TTC7B: variants seen among roughly 807,000 people sequenced by gnomAD.
TTC7B encodes the protein tetratricopeptide repeat domain 7B, also known as tetratricopeptide repeat protein 7B.
TTC7B carries 28 observed loss-of-function variants against 106.8 expected under a neutral mutation model. The observed-to-expected ratio is 0.26, with a 90% CI of 0.19 to 0.36. TTC7B has a LOEUF of 0.36. Among genes scored for constraint, TTC7B ranks in the 10% least tolerant of loss-of-function variants. The probability of loss-of-function intolerance (pLI) is 1.00; values close to 1 mark genes in which losing one functional copy is unlikely to be tolerated. For missense variants in TTC7B, 862 were observed against 1,076.4 expected (o/e 0.80, Z 2.79); for synonymous variants, 405 against 430.6 (o/e 0.94, Z 0.74).
intron 3 of TTC7B, among the ~76,000 whole-genome samples, chr14:90,753,286 G>T (rs566491536): frequency 4.5e-4 from 69 of 152,206 alleles, no homozygotes; most frequent in Non-Finnish European, 7.9e-4. Context: ...ACCCACAGGG[G>T]TGTTTATAAC....
At chr14:90,755,642 G>A (rs1890265128) in intron 3 of TTC7B, among the ~76,000 whole-genome samples, 1 of 149,604 alleles carries the variant, frequency 6.7e-6, no homozygotes. Flanking sequence ...CTGGGCAAAA[G>A]GGCAAGACCC....
chr14:90,794,005 C>A (rs185231363), intron 1 of TTC7B, among the ~76,000 whole-genome samples: 90 of 152,094 alleles, frequency 5.9e-4, no homozygotes, highest in African/African-American at 2.1e-3. Context: ...CAGGTTCAAG[C>A]AAGTCTCATG....
chr14:90,679,486 T>TG (rs1008722955), intron 8 of TTC7B, among the ~76,000 whole-genome samples: 2 of 152,162 alleles, frequency 1.3e-5, no homozygotes, highest in Non-Finnish European at 2.9e-5. Context: ...TTCTCTCCCC[T>TG]GGGCTGCCCC....
In TTC7B at chr14:90,608,546, T is replaced by C. The variant is rs1013350926; in HGVS notation, c.1966+2196A>G. ...CCTGACTCCAAACACCTAGGCTCTC[T>C]GGAAGTGAATGGTGGCCCACCCGAG... is the stretch of plus-strand genomic sequence containing the variant. On this transcript the variant is annotated intron_variant, in intron 17 of 19. Transcript: ENST00000328459. This position sits in a 1 kb window ranked among gnomAD's most constrained non-coding sequence, Gnocchi z 5.1. Among the ~76,000 whole-genome samples, 2 of 152,096 alleles carry C rather than the reference T, an allele frequency of 1.3e-5. No homozygotes were observed. Among genetic ancestry groups the C allele is most frequent in the Non-Finnish European group, 2.9e-5 (2 of 68,026 alleles).
chr14:90,677,702 T>A, intron 8 of TTC7B: 1 of 367,708 alleles, frequency 2.7e-6, no homozygotes, highest in Non-Finnish European at 5.3e-6. Flanking sequence ...GACGTTGATC[T>A]TCCCCCTGAC....
intron 19 of TTC7B, among the ~76,000 whole-genome samples, chr14:90,545,787 G>A (rs969821782): frequency 6.6e-6 from 1 of 152,220 alleles, no homozygotes; most frequent in Admixed American, 6.5e-5. Flanking sequence ...AAGTCCTGCA[G>A]AGAACCAACC....
At chr14:90,771,487 G>C (rs1406872233) in intron 3 of TTC7B, among the ~76,000 whole-genome samples, 2 of 152,082 alleles carry the variant, frequency 1.3e-5, no homozygotes, top group East Asian at 3.8e-4. Context: ...TCAGCTACTT[G>C]TGGGGGCTGA....
intron 14 of TTC7B, among the ~76,000 whole-genome samples, chr14:90,646,256 G>A (rs116604397): frequency 0.015 from 2,212 of 152,318 alleles, 50 homozygotes; most frequent in African/African-American, 0.051. Context: ...AATGTGCTGG[G>A]GTTACCACCA....
chr14:90,798,709 CAAAAAA>C lies in TTC7B; in HGVS notation c.122-12387_122-12382del, dbSNP rs36223089. On this transcript the variant is annotated intron_variant, in intron 1 of 19. Coordinates refer to ENST00000328459, the MANE Select transcript of TTC7B (RefSeq NM_001010854.2). ...TGGGCGACAGAGTGAGACTCCATCT[CAAAAAA>C]AAAAAAAAAAAAAAAAACACGCAAT... Among the ~76,000 whole-genome samples the C allele has an allele frequency of 2.4e-3, 127 of 52,306 alleles. 1 individual carries two copies. The highest frequency in any genetic ancestry group is 6.5e-3 in the African/African-American group (107 of 16,552). 34.3% of individuals were successfully genotyped at this position (52,306 alleles called of 152,430 possible).
At chr14:90,587,872 C>A (rs1891781297) in intron 18 of TTC7B, among the ~76,000 whole-genome samples, 1 of 152,174 alleles carries the variant, frequency 6.6e-6, no homozygotes, top group South Asian at 2.1e-4. Context: ...AGCCACGTAA[C>A]CTTCGGCAAG....
chr14:90,541,554 C>T lies in TTC7B; in HGVS notation c.2346G>A (p.Leu782=). 1 of 1,608,368 alleles carries T rather than the reference C, an allele frequency of 6.2e-7. No homozygotes were observed. The highest frequency in any genetic ancestry group is 8.5e-7 in the Non-Finnish European group (1 of 1,175,766). Residue 782 remains leucine, a synonymous_variant, in exon 20 of 20, where the codon CTG becomes CTA. Transcript: ENST00000328459. The stretch of plus-strand genomic sequence containing the variant: ...CCGCGTCCCGGAGGATCTTCTCCGC[C>T]AGACTGTAGCGGCCTAGCTGGTGAA... ...LILHQLGRYS[L]AEKILRDAVQ... is the part of the protein sequence containing the mutation.
At chr14:90,581,024 G>A (rs532962727) in intron 18 of TTC7B, among the ~76,000 whole-genome samples, 129 of 152,208 alleles carry the variant, frequency 8.5e-4, no homozygotes, top group Non-Finnish European at 1.7e-3. Context: ...TTGTACCAAC[G>A]ACTGACTCCC....
intron 13 of TTC7B, among the ~76,000 whole-genome samples, chr14:90,649,091 G>A (rs1041895171): frequency 2.0e-5 from 3 of 152,336 alleles, no homozygotes; most frequent in East Asian, 1.9e-4. Context: ...CCACAGCACC[G>A]TGAAAGGAAC....
chr14:90,560,181 C>T (rs1340534774), intron 19 of TTC7B, among the ~76,000 whole-genome samples: 1 of 152,266 alleles, frequency 6.6e-6, no homozygotes, highest in Non-Finnish European at 1.5e-5. Context: ...CCAGTGGTGT[C>T]AGCAAACTGC....
intron 3 of TTC7B, among the ~76,000 whole-genome samples, chr14:90,751,421 G>A (rs1017079347): frequency 6.6e-6 from 1 of 152,062 alleles, no homozygotes; most frequent in Non-Finnish European, 1.5e-5. Context: ...AAGAGATAGG[G>A]TTTTACTCTG....
Position 90,743,739 on chromosome 14 carries a change from G to A in TTC7B, c.576+1053C>T, listed in dbSNP as rs117002630. On this transcript the variant is annotated intron_variant, in intron 4 of 19. Coordinates refer to ENST00000328459, the MANE Select transcript of TTC7B (RefSeq NM_001010854.2). Reference sequence around the variant, plus strand: ...AAGACCTTATGTAATCCTCACAAAAGCTTCATGAAGTAGGAACTATGATTA... The same window carrying A: ...AAGACCTTATGTAATCCTCACAAAAACTTCATGAAGTAGGAACTATGATTA... Among the ~76,000 whole-genome samples the A allele has an allele frequency of 9.4e-3, 1,428 of 152,172 alleles. 11 individuals are homozygous for A. Among genetic ancestry groups the A allele is most frequent in the Non-Finnish European group, 0.014 (946 of 68,022 alleles).
chr14:90,794,022 C>A (rs566376082), intron 1 of TTC7B, among the ~76,000 whole-genome samples: 4 of 151,988 alleles, frequency 2.6e-5, no homozygotes, highest in Non-Finnish European at 5.9e-5. Flanking sequence ...CATGCCTCAG[C>A]CTCCTGAGTA....
intron 11 of TTC7B, among the ~76,000 whole-genome samples, chr14:90,656,093 C>T (rs1257327187): frequency 6.6e-6 from 1 of 152,198 alleles, no homozygotes; most frequent in Non-Finnish European, 1.5e-5. Flanking sequence ...ACTACACTTT[C>T]ACAGCTGTGT....
chr14:90,617,846 C>T, intron 16 of TTC7B, 83 bp downstream of exon 16: 1 of 1,084,546 alleles, frequency 9.2e-7, no homozygotes, highest in East Asian at 2.4e-5. Context: ...GAGTTAATGC[C>T]TGCTAAATGC....
Sources: allele counts gnomAD v4.1 joint callset (sites outside exome capture counted in the v4.1 genomes callset), GRCh38; gene constraint gnomAD v4.1.1; non-coding constraint Gnocchi (gnomAD v3.1); transcripts MANE v1.5; gene names NCBI Gene and HGNC (gene_info 2026-07-23, HGNC 2026-07-21).